The following IFITM10 variants were observed in gnomAD, a reference collection of about 807,000 sequenced individuals.
IFITM10 encodes interferon induced transmembrane protein 10.
Under a neutral mutation model 19.0 loss-of-function variants are expected in IFITM10, and 17 were observed. The ratio of observed to expected loss-of-function variants is 0.90; its 90% CI spans 0.61 to 1.34. IFITM10 has a LOEUF of 1.34. Among genes scored for constraint, IFITM10 ranks in the 40% most tolerant of loss-of-function variants. IFITM10 has a pLI of 0.00. For missense variants in IFITM10, 306 were observed against 319.8 expected (o/e 0.96, Z 0.33); for synonymous variants, 148 against 147.2 (o/e 1.01, Z -0.04).
At chr11:1,742,412 G>A (rs527925360) in intron 2 of IFITM10, among the ~76,000 whole-genome samples, 2 of 152,318 alleles carry the variant, frequency 1.3e-5, no homozygotes, top group African/African-American at 2.4e-5. Context: ...AGCGGTTAGA[G>A]ACAAGGTGGA....
chr11:1,750,194 C>A, intron 1 of IFITM10, 165 bp downstream of exon 1: 1 of 756,726 alleles, frequency 1.3e-6, no homozygotes, highest in Non-Finnish European at 1.6e-6. Context: ...TCCGCTACCC[C>A]ACCACATCCT....
At chr11:1,743,610 A>G (rs1845598695) in intron 2 of IFITM10, among the ~76,000 whole-genome samples, 1 of 152,114 alleles carries the variant, frequency 6.6e-6, no homozygotes, top group African/African-American at 2.4e-5. Flanking sequence ...GTGTACATCC[A>G]AAACCCAACG....
chr11:1,748,207 T>G, intron 1 of IFITM10, 88 bp from the exon 2 acceptor site: 1 of 1,017,000 alleles, frequency 9.8e-7, no homozygotes, highest in East Asian at 3.3e-5. Flanking sequence ...ACAGCCCCAG[T>G]GGAGACGGAA....
intron 2 of IFITM10, among the ~76,000 whole-genome samples, chr11:1,738,574 T>A (rs1408056278): frequency 6.6e-6 from 1 of 151,902 alleles, no homozygotes; most frequent in Admixed American, 6.6e-5. Context: ...TGGGAGGTGA[T>A]GTGTGGATAT....
rs114744812 is a variant in IFITM10, at chr11:1,746,828, G to A, written c.537+839C>T. On this transcript the variant is annotated intron_variant, in intron 2 of 2. Transcript: ENST00000340134. ...GGGAAATGTGATGATGAGGCTAAACGTGAGCCAAGCCCTTCCTTCCGGTGC... is the reference window on the plus strand; with the variant it reads ...GGGAAATGTGATGATGAGGCTAAACATGAGCCAAGCCCTTCCTTCCGGTGC... 1,308 of 398,712 alleles carry A rather than the reference G, an allele frequency of 3.3e-3. 12 individuals are homozygous for A. The highest frequency in any genetic ancestry group is 0.024 in the African/African-American group (1,186 of 48,752). The allele number at this position is 398,712 out of a possible 1,614,324, so 24.7% of individuals were successfully genotyped here.
Position 1,747,669 on chromosome 11 carries a change from T to C in IFITM10, c.535A>G (p.Lys179Glu). 1.9e-6 allele frequency: 3 copies of C among 1,551,568 alleles called. No individual in the cohort carries two copies. The highest frequency in any genetic ancestry group is 1.7e-4 in the Middle Eastern group (1 of 5,990). The change falls in exon 2 of 3, where the codon AAA (lysine) becomes GAA (glutamate). Residue 179 changes from lysine (K) to glutamate (E), a missense_variant and splice_region_variant. Physicochemically the swap from Lys to Glu is moderately conservative, Grantham distance 56. Coordinates refer to ENST00000340134, the MANE Select transcript of IFITM10 (RefSeq NM_001170820.4). ...LGFIALAYSLKVRDKKLLNDL... is the reference protein window; with the variant it reads ...LGFIALAYSLEVRDKKLLNDL... ...CCCCTGCCACCGCCCGGGCTCACTT[T>C]GAGGGAGTAGGCCAAGGCGATGAAG...
intron 2 of IFITM10, among the ~76,000 whole-genome samples, chr11:1,738,401 T>C (rs1316283230): frequency 2.0e-5 from 3 of 152,304 alleles, no homozygotes; most frequent in East Asian, 3.9e-4. Flanking sequence ...TGAAAAAGCA[T>C]ACGTCGAACC....
intron 2 of IFITM10, among the ~76,000 whole-genome samples, chr11:1,743,194 G>A (rs1845591854): frequency 6.6e-6 from 1 of 151,610 alleles, no homozygotes; most frequent in African/African-American, 2.4e-5. Flanking sequence ...ATGGACAAAT[G>A]GAAGATGGAT....
At position 1,732,414 on chromosome 11, in the gene IFITM10, T is replaced by A. The variant is rs1056178583; in HGVS notation, c.*2866A>T. 2.0e-5 allele frequency: 3 copies of A among 152,258 alleles called. No homozygotes were observed. The highest frequency in any genetic ancestry group is 1.5e-5 in the Non-Finnish European group (1 of 68,064). The allele number at this position is 152,258 out of a possible 1,614,324, so 9.4% of individuals were successfully genotyped here. A position where few individuals can be genotyped will look rare whatever the true frequency, so the allele number is the denominator to read the frequency against. On this transcript the variant is annotated 3_prime_UTR_variant, in exon 3 of 3. Transcript: ENST00000340134. ...AGAGAGTGAGAGGGGGATTGATTCT[T>A]TCGTTCGTACAATGTTTATTGAATG...
intron 2 of IFITM10, among the ~76,000 whole-genome samples, chr11:1,737,811 G>A (rs749292570): frequency 1.3e-5 from 2 of 152,126 alleles, no homozygotes; most frequent in African/African-American, 2.4e-5. Context: ...CATTAATATG[G>A]TAGATTATAT....
chr11:1,743,329 A>AGATGGATG (rs138313400), intron 2 of IFITM10, among the ~76,000 whole-genome samples: 1 of 139,314 alleles, frequency 7.2e-6, no homozygotes, highest in Non-Finnish European at 1.6e-5. Flanking sequence ...GACAAACGGA[A>AGATGGATG]GATGGATGGA....
intron 1 of IFITM10, 115 bp from the exon 2 acceptor site, chr11:1,748,234 C>G: frequency 1.2e-6 from 1 of 825,626 alleles, no homozygotes; most frequent in Non-Finnish European, 1.6e-6. Flanking sequence ...GCGGGGGCCG[C>G]CAGCTGCCAG....
intron 1 of IFITM10, chr11:1,748,937 G>T (rs1021632573): frequency 1.6e-6 from 1 of 616,364 alleles, no homozygotes; most frequent in Non-Finnish European, 2.0e-6. Context: ...GGCGCTCGCC[G>T]GGGGGTCTGC....
chr11:1,738,152 G>C (rs149770979), intron 2 of IFITM10, among the ~76,000 whole-genome samples: 1 of 152,148 alleles, frequency 6.6e-6, no homozygotes, highest in African/African-American at 2.4e-5. Context: ...TGTGCTGGGT[G>C]GGGAGGAGGG....
Position 1,748,070 on chromosome 11 carries a change from GTGCTGGCCGGGTCTCCC to G in IFITM10, c.117_133del (p.Gly40HisfsTer47). 1 of 1,416,556 alleles carries G rather than the reference GTGCTGGCCGGGTCTCCC, an allele frequency of 7.1e-7. No homozygotes were observed. Among genetic ancestry groups the G allele is most frequent in the Non-Finnish European group, 9.2e-7 (1 of 1,092,024 alleles). 87.7% of individuals were successfully genotyped at this position (1,416,556 alleles called of 1,614,324 possible). A position where few individuals can be genotyped will look rare whatever the true frequency, so the allele number is the denominator to read the frequency against. ...TCGGGCTTCCTGGGCGCCGTCCGTG[GTGCTGGCCGGGTCTCCC>G]AGCGGGGCTGGGCACTGGCCGGGGC... On this transcript the variant is annotated frameshift_variant, in exon 2 of 3. Coordinates refer to ENST00000340134, the MANE Select transcript of IFITM10 (RefSeq NM_001170820.4). LOFTEE classifies it high-confidence loss of function.
intron 2 of IFITM10, among the ~76,000 whole-genome samples, chr11:1,742,815 G>C (rs1268628192): frequency 6.6e-6 from 1 of 152,256 alleles, no homozygotes; most frequent in Non-Finnish European, 1.5e-5. Context: ...TATTTGGAGG[G>C]GTTGAAGGAA....
chr11:1,735,520 G>T, intron 2 of IFITM10, 91 bp from the exon 3 acceptor site: 2 of 1,155,086 alleles, frequency 1.7e-6, no homozygotes, highest in Non-Finnish European at 2.4e-6. Flanking sequence ...GTGCCACAGT[G>T]CTCAGCACAG....
chr11:1,746,564 G>A (rs1845652715), intron 2 of IFITM10: 3 of 398,620 alleles, frequency 7.5e-6, no homozygotes, highest in South Asian at 1.3e-4. Flanking sequence ...GGGCAACGCC[G>A]GGGTTGGCAA....
At position 1,735,294 on chromosome 11, in the gene IFITM10, G is replaced by A. The variant is rs1477533948; in HGVS notation, c.673C>T (p.Leu225Phe). ...ILVFIFLRYP[L>F]TDY ...CCTGGCGGGCCTTAGTAGTCGGTGA[G>A]GGGGTACCGCAGGAAGATGAAGACG... The change falls in exon 3 of 3, where the codon CTC becomes TTC. Residue 225 changes from leucine (L) to phenylalanine (F), a missense_variant. Leu to Phe is a conservative substitution (Grantham distance 22, BLOSUM62 0). Transcript: ENST00000340134. The A allele has an allele frequency of 1.3e-6, 2 of 1,551,738 alleles. No individual in the cohort carries two copies. The highest frequency in any genetic ancestry group is 8.7e-7 in the Non-Finnish European group (1 of 1,146,976).
Sources: gnomAD v4.1 joint callset for allele counts (sites outside exome capture counted in the v4.1 genomes callset) on GRCh38, gnomAD v4.1.1 for gene constraint, MANE v1.5 for transcripts, NCBI Gene and HGNC (gene_info 2026-07-23, HGNC 2026-07-21) for gene names.